AGER: variants seen among roughly 807,000 people sequenced by gnomAD.
AGER encodes advanced glycosylation end-product specific receptor.
In AGER, 46 loss-of-function variants were observed where a neutral mutation model predicts 48.8. The observed-to-expected ratio is 0.94, with a 90% CI of 0.74 to 1.20. The LOEUF (loss-of-function observed/expected upper bound fraction) is 1.20, where lower values mean the gene tolerates loss of function less well. Ranked by LOEUF, AGER falls within the 50% of genes most tolerant of loss-of-function variation. The probability of loss-of-function intolerance (pLI) is 0.00; values close to 1 mark genes in which losing one functional copy is unlikely to be tolerated. For synonymous variants in AGER, 170 were observed against 199.9 expected (o/e 0.85, Z 1.26); for missense variants, 489 against 515.0 (o/e 0.95, Z 0.49).
At position 32,183,727 on chromosome 6, in the gene AGER, C is replaced by G; in HGVS notation, c.183G>C (p.Trp61Cys). The G allele has an allele frequency of 6.2e-7, 1 of 1,613,066 alleles. No individual in the cohort carries two copies. Among genetic ancestry groups the G allele is most frequent in the East Asian group, 2.2e-5 (1 of 44,884 alleles). The change falls in exon 3 of 11, where the codon TGG (tryptophan) becomes TGC (cysteine). Residue 61 changes from tryptophan (W) to cysteine (C), a missense_variant. Physicochemically the swap from Trp to Cys is radical, Grantham distance 215 (BLOSUM62 -2). Coordinates refer to ENST00000375076, the MANE Select transcript of AGER (RefSeq NM_001136.5). ...WKLNTGRTEA[W>C]KVLSPQGGGP... ...CTCCTCCCTGGGGAGACAGGACCTT[C>G]CAAGCTTCTGTCCGGCCTGTGTTCT...
chr6:32,181,760 C>A lies in AGER; in HGVS notation c.965-128G>T. The A allele has an allele frequency of 9.9e-7, 1 of 1,013,640 alleles. No homozygotes were observed. Among genetic ancestry groups the A allele is most frequent in the South Asian group, 1.5e-5 (1 of 65,170 alleles). 62.8% of individuals were successfully genotyped at this position (1,013,640 alleles called of 1,614,324 possible). ...GAGATGGAGTTTCACTTTTGTTGCC[C>A]AGGCTGGCATGCAATGGTGCGATCT... On this transcript the variant is annotated intron_variant, in intron 8 of 10. Coordinates refer to ENST00000375076, the MANE Select transcript of AGER (RefSeq NM_001136.5). This position sits in a 1 kb window ranked among gnomAD's most constrained non-coding sequence, Gnocchi z 4.1.
chr6:32,181,654 A>G lies in AGER; in HGVS notation c.965-22T>C. Reference sequence around the variant, plus strand: ...GGTTCTGGAAGACAAAGTTGGATCCAGTCAGAAAGGAAGACTTCGGGTTGA... The same window carrying G: ...GGTTCTGGAAGACAAAGTTGGATCCGGTCAGAAAGGAAGACTTCGGGTTGA... On this transcript the variant is annotated intron_variant, in intron 8 of 10. Transcript: ENST00000375076. The surrounding 1 kb of genome is among the most constrained non-coding windows in gnomAD (Gnocchi z 4.1). 1 of 1,612,352 alleles carries G rather than the reference A, an allele frequency of 6.2e-7. No homozygotes were observed. Among genetic ancestry groups the G allele is most frequent in the South Asian group, 1.1e-5 (1 of 91,066 alleles).
intron 1 of AGER, 75 bp from the exon 2 acceptor site, chr6:32,184,062 A>T: frequency 6.2e-7 from 1 of 1,609,090 alleles, no homozygotes; most frequent in Non-Finnish European, 8.5e-7. Flanking sequence ...TGGGTGAGGG[A>T]CCTTGAAAGG....
rs780081635 is a variant in AGER, at chr6:32,182,646, TGCTCCACCTTCTG to T, written c.731_743del (p.Pro244GlnfsTer2). On this transcript the variant is annotated frameshift_variant, in exon 7 of 11. Coordinates refer to ENST00000375076, the MANE Select transcript of AGER (RefSeq NM_001136.5). LOFTEE classifies it high-confidence loss of function. The surrounding 1 kb of genome is among the most constrained non-coding windows in gnomAD (Gnocchi z 5.1). ...GGGTTACGGTTCCACCAGGAGCTAC[TGCTCCACCTTCTG>T]GCTCCACCACCAATTGGACCTCCTC... 30 of 1,612,756 alleles carry T rather than the reference TGCTCCACCTTCTG, an allele frequency of 1.9e-5. No homozygotes were observed. Among genetic ancestry groups the T allele is most frequent in the Non-Finnish European group, 2.4e-5 (28 of 1,179,886 alleles).
In AGER at chr6:32,181,003, G is replaced by A; in HGVS notation, c.*140C>T. The A allele has an allele frequency of 1.2e-6, 1 of 821,012 alleles. No homozygotes were observed. The highest frequency in any genetic ancestry group is 2.0e-6 in the Non-Finnish European group (1 of 500,420). The allele number at this position is 821,012 out of a possible 1,614,324, so 50.9% of individuals were successfully genotyped here. ...TCAGGTGTTTAATCATCATTGTGGG[G>A]GGCTCTGGTTGTAGAAGAAAGCTTG... On this transcript the variant is annotated 3_prime_UTR_variant, in exon 11 of 11. Transcript: ENST00000375076. This position sits in a 1 kb window ranked among gnomAD's most constrained non-coding sequence, Gnocchi z 4.1.
Position 32,182,873 on chromosome 6 carries a change from A to G in AGER, c.659T>C (p.Leu220Ser). 2 of 1,611,516 alleles carry G rather than the reference A, an allele frequency of 1.2e-6. No homozygotes were observed. The highest frequency in any genetic ancestry group is 1.7e-6 in the Non-Finnish European group (2 of 1,179,444). Residue 220 changes from leucine to serine, a missense_variant, in exon 6 of 11, where the codon TTG becomes TCG. Transcript: ENST00000375076. This position sits in a 1 kb window ranked among gnomAD's most constrained non-coding sequence, Gnocchi z 5.1. ...FSPGLPRHRA[L>S]RTAPIQPRVW... ...ACGGGGCTGGATGGGGGCTGTGCGC[A>G]AGGCCCGGTGTCGGGGAAGGCCTGG...
chr6:32,184,190 C>T lies in AGER; in HGVS notation c.33G>A (p.Val11=). MAAGTAVGAW[V]LVLSLWGAVV... ...GCTCACCCCACAGACTGAGGACCAG[C>T]ACCCAGGCTCCAACTGCTGTTCCGG... Residue 11 remains valine, a synonymous_variant, in exon 1 of 11, where the codon GTG becomes GTA. Coordinates refer to ENST00000375076, the MANE Select transcript of AGER (RefSeq NM_001136.5). 5.0e-6 allele frequency: 8 copies of T among 1,612,412 alleles called. No individual in the cohort carries two copies. The highest frequency in any genetic ancestry group is 6.8e-6 in the Non-Finnish European group (8 of 1,179,648).
At chr6:32,184,105 C>G in intron 1 of AGER, 66 bp downstream of exon 1, 8 of 1,604,634 alleles carry the variant, frequency 5.0e-6, no homozygotes, top group Non-Finnish European at 6.8e-6. Context: ...AGTTCTAGGA[C>G]GACTGGGGTG....
In AGER at chr6:32,181,275, T is replaced by C. The variant is rs1561868485; in HGVS notation, c.1119-36A>G. On this transcript the variant is annotated intron_variant, in intron 10 of 10. Coordinates refer to ENST00000375076, the MANE Select transcript of AGER (RefSeq NM_001136.5). This position sits in a 1 kb window ranked among gnomAD's most constrained non-coding sequence, Gnocchi z 4.1. Reference sequence around the variant, plus strand: ...AGATTGGGGGGAATGCGGCACGTTGTCGTTCCACCCCCCGACCCCTCTTCG... The same window carrying C: ...AGATTGGGGGGAATGCGGCACGTTGCCGTTCCACCCCCCGACCCCTCTTCG... 1 of 1,613,916 alleles carries C rather than the reference T, an allele frequency of 6.2e-7. No individual in the cohort carries two copies. The highest frequency in any genetic ancestry group is 8.5e-7 in the Non-Finnish European group (1 of 1,180,032).
Position 32,181,164 on chromosome 6 carries a change from C to T in AGER, c.1194G>A (p.Glu398=). ...LNQSEEPEAG[E]SSTGGP ...CCCCTCAAGGCCCTCCAGTACTACTCTCGCCTGCCTCAGGTTCCTCCGACT... is the reference window on the plus strand; with the variant it reads ...CCCCTCAAGGCCCTCCAGTACTACTTTCGCCTGCCTCAGGTTCCTCCGACT... Residue 398 remains glutamate (E), a synonymous_variant, in exon 11 of 11, where the codon GAG becomes GAA. Coordinates refer to ENST00000375076, the MANE Select transcript of AGER (RefSeq NM_001136.5). The surrounding 1 kb of genome is among the most constrained non-coding windows in gnomAD (Gnocchi z 4.1). 1.2e-6 allele frequency: 2 copies of T among 1,614,226 alleles called. No individual in the cohort carries two copies. Among genetic ancestry groups the T allele is most frequent in the Non-Finnish European group, 1.7e-6 (2 of 1,180,028 alleles).
Position 32,182,425 on chromosome 6 carries a change from C to G in AGER, c.823-37G>C. 1.3e-6 allele frequency: 2 copies of G among 1,596,370 alleles called. No individual in the cohort carries two copies. Among genetic ancestry groups the G allele is most frequent in the East Asian group, 2.2e-5 (1 of 44,674 alleles). ...AGGGGAGAGGAGACTATTTCAAAAC[C>G]CTTGTCTTTTTGTCTCCATATCTTC... On this transcript the variant is annotated intron_variant, in intron 7 of 10. Coordinates refer to ENST00000375076, the MANE Select transcript of AGER (RefSeq NM_001136.5). This position sits in a 1 kb window ranked among gnomAD's most constrained non-coding sequence, Gnocchi z 5.1.
chr6:32,182,278 C>G lies in AGER; in HGVS notation c.933G>C (p.Gln311His). The G allele has an allele frequency of 6.2e-7, 1 of 1,612,882 alleles. No homozygotes were observed. Among genetic ancestry groups the G allele is most frequent in the East Asian group, 2.2e-5 (1 of 44,874 alleles). ...CVATHSSHGPQESRAVSISII... is the reference protein window; with the variant it reads ...CVATHSSHGPHESRAVSISII... ...TGCTGATGCTGACAGCACGGCTTTCCTGGGGCCCGTGGCTGGAATGGGTGG... is the reference window on the plus strand; with the variant it reads ...TGCTGATGCTGACAGCACGGCTTTCGTGGGGCCCGTGGCTGGAATGGGTGG... The change falls in exon 8 of 11, where the codon CAG becomes CAC. Residue 311 changes from glutamine (Q) to histidine (H), a missense_variant. Transcript: ENST00000375076. The surrounding 1 kb of genome is among the most constrained non-coding windows in gnomAD (Gnocchi z 5.1).
intron 2 of AGER, 44 bp downstream of exon 2, chr6:32,183,835 CTG>C: frequency 6.2e-7 from 1 of 1,612,102 alleles, no homozygotes; most frequent in Non-Finnish European, 8.5e-7. Flanking sequence ...CAAATCATTG[CTG>C]GTCTCCCTGG....
rs779221668 is a variant in AGER at position 32,183,918 on chromosome 6, GC to G, written c.121del (p.Ala41ProfsTer13). ...CAGCCGCTGGGGTGGTTTCTTGGGG[GC>G]CCCCTTACACTTCAGCACCAGTGGC... ...GEPLVLKCKGAPKKPPQRLEW... is the reference protein window; with the variant it reads ...GEPLVLKCKGXPKKPPQRLEW... On this transcript the variant is annotated frameshift_variant, in exon 2 of 11. Coordinates refer to ENST00000375076, the MANE Select transcript of AGER (RefSeq NM_001136.5). LOFTEE classifies it high-confidence loss of function. The G allele has an allele frequency of 7.4e-6, 12 of 1,613,088 alleles. No individual in the cohort carries two copies. Among genetic ancestry groups the G allele is most frequent in the Non-Finnish European group, 1.0e-5 (12 of 1,180,028 alleles).
In AGER at chr6:32,183,913, TG is replaced by T; in HGVS notation, c.126del (p.Lys43ArgfsTer11). ...EPLVLKCKGA[P>X]KKPPQRLEWK... ...CATTCCAGCCGCTGGGGTGGTTTCT[TG>T]GGGGCCCCCTTACACTTCAGCACCA... On this transcript the variant is annotated frameshift_variant, in exon 2 of 11. Coordinates refer to ENST00000375076, the MANE Select transcript of AGER (RefSeq NM_001136.5). LOFTEE classifies it high-confidence loss of function. 3.7e-6 allele frequency: 6 copies of T among 1,613,060 alleles called. No individual in the cohort carries two copies. The highest frequency in any genetic ancestry group is 3.4e-6 in the Non-Finnish European group (4 of 1,180,020).
rs202226593 is a variant in AGER at position 32,182,886 on chromosome 6, G to C, written c.646C>G (p.Arg216Gly). 1.2e-6 allele frequency: 2 copies of C among 1,611,444 alleles called. No homozygotes were observed. Among genetic ancestry groups the C allele is most frequent in the Non-Finnish European group, 1.7e-6 (2 of 1,179,372 alleles). ...FSCSFSPGLP[R>G]HRALRTAPIQ... ...GGGGCTGTGCGCAAGGCCCGGTGTCGGGGAAGGCCTGGGCTGAAGCTACAG... is the reference window on the plus strand; with the variant it reads ...GGGGCTGTGCGCAAGGCCCGGTGTCCGGGAAGGCCTGGGCTGAAGCTACAG... The change falls in exon 6 of 11, where the codon CGA becomes GGA. Residue 216 changes from arginine (R) to glycine (G), a missense_variant. Physicochemically the swap from Arg to Gly is moderately radical, Grantham distance 125. Coordinates refer to ENST00000375076, the MANE Select transcript of AGER (RefSeq NM_001136.5). This position sits in a 1 kb window ranked among gnomAD's most constrained non-coding sequence, Gnocchi z 5.1.
intron 2 of AGER, 37 bp downstream of exon 2, chr6:32,183,844 C>G: frequency 1.2e-6 from 2 of 1,612,648 alleles, no homozygotes; most frequent in Middle Eastern, 1.7e-4. Context: ...GCTGGTCTCC[C>G]TGGAAGTTGG....
At position 32,182,333 on chromosome 6, in the gene AGER, G is replaced by C; in HGVS notation, c.878C>G (p.Pro293Arg). Residue 293 changes from proline (P) to arginine (R), a missense_variant, in exon 8 of 11, where the codon CCT (proline) becomes CGT (arginine). Coordinates refer to ENST00000375076, the MANE Select transcript of AGER (RefSeq NM_001136.5). The surrounding 1 kb of genome is among the most constrained non-coding windows in gnomAD (Gnocchi z 5.1). ...SPVLILPEIG[P>R]QDQGTYSCVA... ...ACAGCTGTAGGTTCCCTGGTCCTGA[G>C]GCCCTATCTCAGGGAGGATCAGCAC... The C allele has an allele frequency of 6.2e-7, 1 of 1,612,336 alleles. No individual in the cohort carries two copies. The highest frequency in any genetic ancestry group is 8.5e-7 in the Non-Finnish European group (1 of 1,179,512).
chr6:32,182,676 G>T lies in AGER; in HGVS notation c.714C>A (p.Val238=). Reference sequence around the variant, plus strand: ...CACCTTCTGGCTCCACCACCAATTGGACCTCCTCCAGAGGCACAGGCTCTG... The same window carrying T: ...CACCTTCTGGCTCCACCACCAATTGTACCTCCTCCAGAGGCACAGGCTCTG... ...RVWEPVPLEE[V]QLVVEPEGGA... is the part of the protein sequence containing the mutation. The change falls in exon 7 of 11, where the codon GTC becomes GTA. Residue 238 remains valine (V), a synonymous_variant. Transcript: ENST00000375076. The surrounding 1 kb of genome is among the most constrained non-coding windows in gnomAD (Gnocchi z 5.1). 6.2e-7 allele frequency: 1 copy of T among 1,613,096 alleles called. No homozygotes were observed. Among genetic ancestry groups the T allele is most frequent in the Non-Finnish European group, 8.5e-7 (1 of 1,180,042 alleles).
Sources: gnomAD v4.1 joint callset for allele counts on GRCh38, gnomAD v4.1.1 for gene constraint, Gnocchi (gnomAD v3.1) non-coding constraint, MANE v1.5 for transcripts, NCBI Gene and HGNC (gene_info 2026-07-23, HGNC 2026-07-21) for gene names.